Variants in LOXL2 observed in about 807,000 individuals in gnomAD.
LOXL2 encodes lysyl oxidase homolog 2.
A neutral mutation model predicts 93.0 loss-of-function variants in LOXL2; 70 were observed. The ratio of observed to expected loss-of-function variants is 0.75; its 90% CI spans 0.62 to 0.92. The LOEUF is 0.92. Ranked by LOEUF, LOXL2 falls within the 40% of genes least tolerant of loss-of-function variation. LOXL2 has a pLI of 0.00. For missense variants in LOXL2, 973 were observed against 1,054.9 expected (o/e 0.92, Z 1.08); for synonymous variants, 438 against 413.2 (o/e 1.06, Z -0.73).
intron 1 of LOXL2, among the ~76,000 whole-genome samples, chr8:23,380,072 T>A (rs969106745): frequency 1.3e-5 from 2 of 152,152 alleles, no homozygotes; most frequent in African/African-American, 4.8e-5. Context: ...TATTTGGCCA[T>A]CTTGGAATTG....
At chr8:23,319,811 G>C (rs1001268249) in intron 8 of LOXL2, 74 bp downstream of exon 8, 4 of 1,491,916 alleles carry the variant, frequency 2.7e-6, no homozygotes, top group East Asian at 2.3e-5. Flanking sequence ...ACGTGGGAGA[G>C]GGGGGCTGAC....
intron 2 of LOXL2, chr8:23,363,358 G>A (rs1195047391): frequency 1.3e-5 from 2 of 152,176 alleles, no homozygotes; most frequent in South Asian, 2.1e-4. Flanking sequence ...GGAGAACAAA[G>A]AGCTAATTGA....
At chr8:23,357,332 G>A (rs1804217022) in intron 3 of LOXL2, among the ~76,000 whole-genome samples, 1 of 152,170 alleles carries the variant, frequency 6.6e-6, no homozygotes, top group South Asian at 2.1e-4. Context: ...GGCCTCCCAA[G>A]TGCTGGGAAT....
intron 10 of LOXL2, among the ~76,000 whole-genome samples, chr8:23,304,062 G>A (rs1048690229): frequency 6.6e-6 from 1 of 152,228 alleles, no homozygotes; most frequent in South Asian, 2.1e-4. Context: ...AATAAAGCAG[G>A]GAGGAGCAGA....
chr8:23,339,528 G>T (rs965296210), intron 4 of LOXL2, among the ~76,000 whole-genome samples: 2 of 152,232 alleles, frequency 1.3e-5, no homozygotes, highest in Non-Finnish European at 2.9e-5. Flanking sequence ...GACTGGCCAC[G>T]GTTGGGAGAT....
chr8:23,338,938 G>A (rs1803838153), intron 4 of LOXL2, among the ~76,000 whole-genome samples: 1 of 152,194 alleles, frequency 6.6e-6, no homozygotes, highest in Admixed American at 6.5e-5. Context: ...TGCAGGCTCT[G>A]CTGGGTGTGG....
chr8:23,309,648 G>T lies in LOXL2; in HGVS notation c.1880+20C>A. On this transcript the variant is annotated intron_variant, in intron 10 of 13. Coordinates refer to ENST00000389131, the MANE Select transcript of LOXL2 (RefSeq NM_002318.3). ...TGTCCGCCGGGCAGCTTAGTGGGGAGGGTGGCCAGCCAGGCCTACCTGTGA... is the reference window on the plus strand; with the variant it reads ...TGTCCGCCGGGCAGCTTAGTGGGGATGGTGGCCAGCCAGGCCTACCTGTGA... The T allele has an allele frequency of 7.1e-7, 1 of 1,414,682 alleles. No homozygotes were observed. The highest frequency in any genetic ancestry group is 9.3e-7 in the Non-Finnish European group (1 of 1,074,718). The allele number at this position is 1,414,682 out of a possible 1,614,324, so 87.6% of individuals were successfully genotyped here.
chr8:23,298,041 C>G lies in LOXL2; in HGVS notation c.*2G>C. The G allele has an allele frequency of 6.2e-7, 1 of 1,613,354 alleles. No individual in the cohort carries two copies. Among genetic ancestry groups the G allele is most frequent in the Non-Finnish European group, 8.5e-7 (1 of 1,179,654 alleles). On this transcript the variant is annotated 3_prime_UTR_variant, in exon 14 of 14. Coordinates refer to ENST00000389131, the MANE Select transcript of LOXL2 (RefSeq NM_002318.3). The stretch of plus-strand genomic sequence containing the variant: ...AGACAGGAGTTGACCACGCAGGCTT[C>G]TTTACTGCGGGGACAGCTGGTTGTT...
chr8:23,366,680 T>TATA (rs1456381847), intron 2 of LOXL2, among the ~76,000 whole-genome samples: 1 of 152,004 alleles, frequency 6.6e-6, no homozygotes, highest in Non-Finnish European at 1.5e-5. Flanking sequence ...AGGACAGGAG[T>TATA]ATAGGCAGCT....
rs1803045937 is a variant in LOXL2 at position 23,297,244 on chromosome 8, G to A, written c.*799C>T. 1.3e-5 allele frequency: 2 copies of A among 152,180 alleles called. No homozygotes were observed. The highest frequency in any genetic ancestry group is 1.3e-4 in the Admixed American group (2 of 15,272). 9.4% of individuals were successfully genotyped at this position (152,180 alleles called of 1,614,324 possible). A position where few individuals can be genotyped will look rare whatever the true frequency, so the allele number is the denominator to read the frequency against. ...GTAAGTGTCTGTGATGACACATGGT[G>A]CTCAGTGAGCGCCCTGTCACCCAGG... On this transcript the variant is annotated 3_prime_UTR_variant, in exon 14 of 14. Coordinates refer to ENST00000389131, the MANE Select transcript of LOXL2 (RefSeq NM_002318.3).
At chr8:23,343,168 G>T (rs1289344622) in intron 3 of LOXL2, among the ~76,000 whole-genome samples, 1 of 152,160 alleles carries the variant, frequency 6.6e-6, no homozygotes, top group Non-Finnish European at 1.5e-5. Context: ...TATGCCTCCA[G>T]CCCCCTCACT....
intron 9 of LOXL2, among the ~76,000 whole-genome samples, chr8:23,312,153 A>G (rs1421836352): frequency 6.6e-6 from 1 of 152,154 alleles, no homozygotes; most frequent in African/African-American, 2.4e-5. Context: ...TGTGGCAATA[A>G]TCAATAGCTT....
At chr8:23,316,664 A>G (rs11987443) in intron 9 of LOXL2, 14,435 of 405,614 alleles carry the variant, frequency 0.036, 1,180 homozygotes, top group East Asian at 0.22. Flanking sequence ...ACTCTCAGTC[A>G]TGTAGTCTGC....
At chr8:23,333,098 C>T (rs777965154) in intron 5 of LOXL2, among the ~76,000 whole-genome samples, 1 of 152,140 alleles carries the variant, frequency 6.6e-6, no homozygotes, top group Non-Finnish European at 1.5e-5. Context: ...GGTCACATTT[C>T]CAGCTGTCCT....
At chr8:23,394,562 C>T (rs747663743) in intron 1 of LOXL2, among the ~76,000 whole-genome samples, 1 of 152,048 alleles carries the variant, frequency 6.6e-6, no homozygotes, top group Non-Finnish European at 1.5e-5. Context: ...CCACTTCATA[C>T]CCATAAAGGT....
chr8:23,385,249 T>C (rs1283738992), intron 1 of LOXL2, among the ~76,000 whole-genome samples: 2 of 150,108 alleles, frequency 1.3e-5, no homozygotes, highest in Non-Finnish European at 3.0e-5. Flanking sequence ...TTTTTCTTTT[T>C]TTTTTTTTTT....
At chr8:23,400,100 T>C (rs934837651) in intron 1 of LOXL2, among the ~76,000 whole-genome samples, 8 of 152,254 alleles carry the variant, frequency 5.3e-5, no homozygotes, top group Non-Finnish European at 1.0e-4. Flanking sequence ...TTCCAACTTA[T>C]GAGTCTCATT....
intron 1 of LOXL2, among the ~76,000 whole-genome samples, chr8:23,398,025 AGAAAGATATT>A (rs1431920027): frequency 2.0e-5 from 3 of 151,368 alleles, no homozygotes; most frequent in Admixed American, 1.3e-4. Flanking sequence ...TAATTGTTTT[AGAAAGATATT>A]TAGAAAAGTA....
intron 1 of LOXL2, among the ~76,000 whole-genome samples, chr8:23,384,689 G>A (rs1030777970): frequency 4.3e-4 from 65 of 152,074 alleles, no homozygotes; most frequent in African/African-American, 1.5e-3. Flanking sequence ...CGAGGCGGGC[G>A]GATCACCTGA....
Sources: gnomAD v4.1 joint callset for allele counts (sites outside exome capture counted in the v4.1 genomes callset) on GRCh38, gnomAD v4.1.1 for gene constraint, MANE v1.5 for transcripts, NCBI Gene and HGNC (gene_info 2026-07-23, HGNC 2026-07-21) for gene names.